The following SEPTIN3 variants were observed in gnomAD, a reference collection of about 807,000 sequenced individuals.
SEPTIN3 encodes septin 3.
In SEPTIN3, 15 loss-of-function variants were observed where a neutral mutation model predicts 45.1. That is an observed-to-expected ratio of 0.33 (90% CI 0.22 to 0.51). The LOEUF is 0.51. Among genes scored for constraint, SEPTIN3 ranks in the 20% least tolerant of loss-of-function variants. The pLI, the probability that SEPTIN3 is intolerant of heterozygous loss-of-function variation, is 0.97. For synonymous variants in SEPTIN3, 148 were observed against 164.8 expected (o/e 0.90, Z 0.78); for missense variants, 289 against 457.2 (o/e 0.63, Z 3.35).
At chr22:41,986,382 G>A (rs1181006601) in intron 4 of SEPTIN3, among the ~76,000 whole-genome samples, 2 of 152,254 alleles carry the variant, frequency 1.3e-5, no homozygotes, top group South Asian at 2.1e-4. Context: ...GGGCAGGTAC[G>A]GTGGCTCATG....
chr22:41,986,376 A>T (rs1356035004), intron 4 of SEPTIN3, among the ~76,000 whole-genome samples: 1 of 152,196 alleles, frequency 6.6e-6, no homozygotes, highest in Non-Finnish European at 1.5e-5. Context: ...AGGAGTGGGC[A>T]GGTACGGTGG....
chr22:41,990,869 G>T (rs1196376820), intron 7 of SEPTIN3, among the ~76,000 whole-genome samples: 1 of 151,468 alleles, frequency 6.6e-6, no homozygotes, highest in Non-Finnish European at 1.5e-5. Flanking sequence ...TTCGAGACCA[G>T]CCTGGCCAAC....
chr22:41,974,448 A>T (rs761930430), intron 2 of SEPTIN3, among the ~76,000 whole-genome samples: 7 of 151,996 alleles, frequency 4.6e-5, no homozygotes, highest in South Asian at 4.1e-4. Context: ...GTGGATCACG[A>T]GGTCAGGAGA....
Position 41,986,017 on chromosome 22 carries a change from AC to A in SEPTIN3, c.1731del (p.Asn577LysfsTer8). 6.2e-7 allele frequency: 1 copy of A among 1,613,190 alleles called. No homozygotes were observed. Among genetic ancestry groups the A allele is most frequent in the Non-Finnish European group, 8.5e-7 (1 of 1,179,534 alleles). On this transcript the variant is annotated frameshift_variant, in exon 4 of 12. Transcript: ENST00000644076. LOFTEE classifies it high-confidence loss of function. ...QSGLGKSTLV[N>X]TLFKSQVSRK... ...GGACTGGGCAAATCAACGCTGGTCA[AC>A]ACGCTCTTCAAATCCCAAGTGAGCC... is the stretch of plus-strand genomic sequence containing the variant.
chr22:41,996,573 A>T, intron 11 of SEPTIN3: 1 of 1,088,880 alleles, frequency 9.2e-7, no homozygotes, highest in African/African-American at 1.6e-5. Context: ...TCTTTCCTGG[A>T]GGCTGCCAAC....
intron 1 of SEPTIN3, 51 bp from the exon 2 acceptor site, chr22:41,971,423 G>A (rs2077957625): frequency 2.5e-6 from 1 of 398,602 alleles, no homozygotes; most frequent in African/African-American, 2.1e-5. Context: ...AGACCTCCAG[G>A]CCTGAGCTCC....
intron 11 of SEPTIN3, chr22:41,995,397 G>A (rs1450714513): frequency 1.0e-6 from 1 of 985,764 alleles, no homozygotes; most frequent in Non-Finnish European, 1.2e-6. Context: ...CGTGTTCAGT[G>A]TCACAAAGCT....
chr22:41,996,831 AGAAGG>A (rs1294460838), intron 11 of SEPTIN3, 66 bp from the exon 12 acceptor site: 1 of 1,600,040 alleles, frequency 6.2e-7, no homozygotes, highest in African/African-American at 1.3e-5. Flanking sequence ...GCCTCCCTGG[AGAAGG>A]TATTTTATAT....
At position 41,972,248 on chromosome 22, in the gene SEPTIN3, G is replaced by T; in HGVS notation, c.756G>T (p.Thr252=). 2 of 399,066 alleles carry T rather than the reference G, an allele frequency of 5.0e-6. No individual in the cohort carries two copies. The highest frequency in any genetic ancestry group is 2.6e-4 in the South Asian group (2 of 7,798). The allele number at this position is 399,066 out of a possible 1,614,324, so 24.7% of individuals were successfully genotyped here. Residue 252 remains threonine, a synonymous_variant, in exon 2 of 12, where the codon ACG becomes ACT. Coordinates refer to ENST00000644076, the MANE Select transcript of SEPTIN3 (RefSeq NM_001363845.2). The part of the protein sequence containing the change: ...RPRGRLQRAN[T]TVNLTAMDTR... ...GGGGGCGTCTCCAAAGGGCCAACACGACTGTGAATTTGACTGCTATGGACA... is the reference window on the plus strand; with the variant it reads ...GGGGGCGTCTCCAAAGGGCCAACACTACTGTGAATTTGACTGCTATGGACA...
At chr22:41,984,078 A>G (rs940507684) in intron 3 of SEPTIN3, among the ~76,000 whole-genome samples, 39 of 152,192 alleles carry the variant, frequency 2.6e-4, no homozygotes, top group Non-Finnish European at 5.7e-4. Context: ...TTCAGTGCTG[A>G]GCCCAGATGT....
rs761360442 is a variant in SEPTIN3 at position 41,987,203 on chromosome 22, C to T, written c.1826-3C>T. On this transcript the variant is annotated splice_polypyrimidine_tract_variant and splice_region_variant and intron_variant, in intron 4 of 11. Transcript: ENST00000644076. Reference sequence around the variant, plus strand: ...CTCTGGTACATTTTCTTTTCACCCCCAGTGATAGAGGAAGGCGGTGTCAAA... The same window carrying T: ...CTCTGGTACATTTTCTTTTCACCCCTAGTGATAGAGGAAGGCGGTGTCAAA... 8.1e-6 allele frequency: 13 copies of T among 1,612,140 alleles called. No individual in the cohort carries two copies. In the South Asian group the frequency reaches 8.8e-5, roughly 11 times the overall value.
chr22:41,977,106 C>T (rs371017965), intron 2 of SEPTIN3: 2 of 1,588,674 alleles, frequency 1.3e-6, no homozygotes, highest in Admixed American at 1.7e-5. Context: ...CCGGCACCCG[C>T]CAGGAGGAGG....
chr22:41,980,129 C>CTTTT (rs569424612), intron 2 of SEPTIN3, among the ~76,000 whole-genome samples: 4 of 103,422 alleles, frequency 3.9e-5, no homozygotes, highest in African/African-American at 1.6e-4. Context: ...TGCTCAGTGC[C>CTTTT]TTTTTTTTTT....
At position 41,975,658 on chromosome 22, in the gene SEPTIN3, T is replaced by C. The variant is rs114702848; in HGVS notation, c.1504+2662T>C. Among the ~76,000 whole-genome samples the C allele has an allele frequency of 7.0e-3, 1,066 of 152,272 alleles. 12 individuals carry two copies. Among genetic ancestry groups the C allele is most frequent in the African/African-American group, 0.024 (1,014 of 41,540 alleles). On this transcript the variant is annotated intron_variant, in intron 2 of 11. Transcript: ENST00000644076. The stretch of plus-strand genomic sequence containing the variant: ...GCTGTAGGCATTGCCTACCTTTTAT[T>C]AGGTGCCTAGAAACCCGGGTATCCT...
intron 1 of SEPTIN3, among the ~76,000 whole-genome samples, chr22:41,970,725 C>A (rs2077950246): frequency 6.6e-6 from 1 of 152,204 alleles, no homozygotes; most frequent in South Asian, 2.1e-4. Context: ...TCCCGCCTTT[C>A]TACCCCTAAT....
intron 6 of SEPTIN3, among the ~76,000 whole-genome samples, chr22:41,989,334 T>A (rs182802912): frequency 1.3e-5 from 2 of 152,140 alleles, no homozygotes; most frequent in African/African-American, 2.4e-5. Flanking sequence ...TGAGGGGGGC[T>A]TAAAGAGAGG....
intron 2 of SEPTIN3, among the ~76,000 whole-genome samples, chr22:41,977,647 T>G (rs1369205165): frequency 9.8e-5 from 8 of 81,590 alleles, no homozygotes; most frequent in South Asian, 3.5e-4. Flanking sequence ...TGGGGGGCGG[T>G]GGGGTCCTGA....
Position 41,969,595 on chromosome 22 carries a change from G to A in SEPTIN3, c.-102G>A, listed in dbSNP as rs1478106007. The A allele has an allele frequency of 6.6e-6, 1 of 152,216 alleles. No homozygotes were observed. Among genetic ancestry groups the A allele is most frequent in the Non-Finnish European group, 1.5e-5 (1 of 68,200 alleles). The allele number at this position is 152,216 out of a possible 1,614,324, so 9.4% of individuals were successfully genotyped here. A position where few individuals can be genotyped will look rare whatever the true frequency, so the allele number is the denominator to read the frequency against. On this transcript the variant is annotated 5_prime_UTR_variant, in exon 1 of 12. Coordinates refer to ENST00000644076, the MANE Select transcript of SEPTIN3 (RefSeq NM_001363845.2). ...GCCCCTAAGCTGGCCACCATGGCCAGACTCTGAGTGCAGGGGAGGTGAGGG... is the reference window on the plus strand; with the variant it reads ...GCCCCTAAGCTGGCCACCATGGCCAAACTCTGAGTGCAGGGGAGGTGAGGG...
chr22:41,992,757 A>G lies in SEPTIN3; in HGVS notation c.2353A>G (p.Ile785Val), dbSNP rs1438927830. The G allele has an allele frequency of 1.2e-6, 2 of 1,603,096 alleles. No individual in the cohort carries two copies. Among genetic ancestry groups the G allele is most frequent in the Non-Finnish European group, 1.7e-6 (2 of 1,172,490 alleles). Residue 785 changes from isoleucine to valine, a missense_variant, in exon 9 of 12, where the codon ATC becomes GTC. Around this residue, in one of 3 missense-constraint regions of SEPTIN3, gnomAD observed 84 missense variants for 114.7 expected, o/e 0.73. Transcript: ENST00000644076. The part of the protein sequence containing the change: ...VLGRKTPWGI[I>V]EVENLNHCEF... ...CGGCCGAAAAACTCCATGGGGGATC[A>G]TCGAAGGTAATTCACTGCATCTTCT...
Sources: allele counts gnomAD v4.1 joint callset (sites outside exome capture counted in the v4.1 genomes callset), GRCh38; gene constraint gnomAD v4.1.1; regional missense constraint gnomAD v4.1.1; transcripts MANE v1.5; gene names NCBI Gene and HGNC (gene_info 2026-07-23, HGNC 2026-07-21).